WDR70: variants seen among roughly 807,000 people sequenced by gnomAD.
WDR70 encodes WD repeat domain 70.
Under a neutral mutation model 88.6 loss-of-function variants are expected in WDR70, and 53 were observed. The observed-to-expected ratio is 0.60, with a 90% CI of 0.48 to 0.75. The LOEUF (loss-of-function observed/expected upper bound fraction) is 0.75. Ranked by LOEUF, WDR70 falls within the 30% of genes least tolerant of loss-of-function variation. The pLI is 0.00. For synonymous variants in WDR70, 280 were observed against 270.0 expected (o/e 1.04, Z -0.36); for missense variants, 610 against 823.2 (o/e 0.74, Z 3.17).
intron 9 of WDR70, among the ~76,000 whole-genome samples, chr5:37,520,909 T>C (rs764737550): frequency 6.6e-6 from 1 of 152,178 alleles, no homozygotes; most frequent in Non-Finnish European, 1.5e-5. Flanking sequence ...AGGAGAGACT[T>C]TGTGCAGTGT....
intron 7 of WDR70, among the ~76,000 whole-genome samples, chr5:37,475,299 A>T (rs1420604952): frequency 3.3e-5 from 5 of 151,704 alleles, no homozygotes; most frequent in Non-Finnish European, 7.4e-5. Context: ...GCAATGGCGC[A>T]ATCTGGCTCA....
chr5:37,615,292 A>G (rs1203470621), intron 10 of WDR70, among the ~76,000 whole-genome samples: 1 of 152,116 alleles, frequency 6.6e-6, no homozygotes, highest in African/African-American at 2.4e-5. Flanking sequence ...GAGGTCTCAG[A>G]ACTGAAAAAA....
At chr5:37,749,555 T>G (rs981356091) in intron 17 of WDR70, among the ~76,000 whole-genome samples, 3 of 149,474 alleles carry the variant, frequency 2.0e-5, no homozygotes, top group Non-Finnish European at 4.4e-5. Flanking sequence ...CCTGTTTTTT[T>G]TTAAGAAGAA....
intron 7 of WDR70, among the ~76,000 whole-genome samples, chr5:37,451,079 A>G (rs1310524565): frequency 2.4e-5 from 3 of 125,960 alleles, no homozygotes; most frequent in Admixed American, 1.9e-4. Flanking sequence ...TGTATTTTTA[A>G]TAGAGTCGGG....
At chr5:37,438,908 G>T (rs946656686) in intron 6 of WDR70, among the ~76,000 whole-genome samples, 12 of 146,270 alleles carry the variant, frequency 8.2e-5, no homozygotes, top group Admixed American at 2.7e-4. Flanking sequence ...GTCCTCATTC[G>T]TTTTTTTTTT....
chr5:37,564,886 A>G (rs1390902198), intron 9 of WDR70, among the ~76,000 whole-genome samples: 1 of 152,192 alleles, frequency 6.6e-6, no homozygotes, highest in Admixed American at 6.5e-5. Context: ...AGTTTTAAAA[A>G]GAGTTTTTCT....
At chr5:37,633,300 A>G (rs943612015) in intron 10 of WDR70, among the ~76,000 whole-genome samples, 2 of 152,170 alleles carry the variant, frequency 1.3e-5, no homozygotes, top group Admixed American at 6.5e-5. Flanking sequence ...AGAATTTTAT[A>G]TCTGTTTCCC....
At chr5:37,562,134 G>T (rs1332715833) in intron 9 of WDR70, among the ~76,000 whole-genome samples, 1 of 152,192 alleles carries the variant, frequency 6.6e-6, no homozygotes. Flanking sequence ...AAGGCAGGTG[G>T]ATCACTTGAG....
intron 9 of WDR70, among the ~76,000 whole-genome samples, chr5:37,539,540 A>G (rs1386655042): frequency 6.6e-6 from 1 of 152,228 alleles, no homozygotes. Flanking sequence ...AAACTGTGAG[A>G]CAATAAAATT....
intron 9 of WDR70, among the ~76,000 whole-genome samples, chr5:37,600,066 G>T (rs1743824115): frequency 6.6e-6 from 1 of 151,866 alleles, no homozygotes; most frequent in Admixed American, 6.6e-5. Flanking sequence ...AAGCACAAAT[G>T]ATGAAAGAGG....
chr5:37,470,622 T>C (rs1023369819), intron 7 of WDR70, among the ~76,000 whole-genome samples: 1 of 152,202 alleles, frequency 6.6e-6, no homozygotes, highest in African/African-American at 2.4e-5. Flanking sequence ...TGATTATATT[T>C]ATAAAATATA....
chr5:37,389,089 CTTT>C (rs869256981), intron 3 of WDR70, among the ~76,000 whole-genome samples: 9 of 124,910 alleles, frequency 7.2e-5, no homozygotes, highest in Admixed American at 2.4e-4. Context: ...CAGGCCCATT[CTTT>C]TTTTTTTTTT....
intron 8 of WDR70, chr5:37,506,604 C>A (rs1266183674): frequency 1.3e-6 from 1 of 776,292 alleles, no homozygotes; most frequent in African/African-American, 1.7e-5. Context: ...TGTGTGGAAT[C>A]CTAACAATCC....
rs59254502 is a variant in WDR70 at position 37,455,636 on chromosome 5, C to CTTTTTTTTTTTTTTTT, written c.686+12268_686+12283dup. Reference sequence around the variant, plus strand: ...TTCTCTCGGGTCCAGTTCTCTTTATCTTTTTTTTTTTTTTTTTTTGCCACA... The same window carrying CTTTTTTTTTTTTTTTT: ...TTCTCTCGGGTCCAGTTCTCTTTATCTTTTTTTTTTTTTTTTTTTTTTTTTTTTTTTTTTTGCCACA... On this transcript the variant is annotated intron_variant, in intron 7 of 17. Coordinates refer to ENST00000265107, the MANE Select transcript of WDR70 (RefSeq NM_018034.4). 5.4e-4 allele frequency among the ~76,000 whole-genome samples: 38 copies of CTTTTTTTTTTTTTTTT among 70,436 alleles called. 2 individuals are homozygous for CTTTTTTTTTTTTTTTT. Among genetic ancestry groups the CTTTTTTTTTTTTTTTT allele is most frequent in the East Asian group, 1.9e-3 (3 of 1,566 alleles). The allele number at this position is 70,436 out of a possible 152,430, so 46.2% of individuals were successfully genotyped here. A position where few individuals can be genotyped will look rare whatever the true frequency, so the allele number is the denominator to read the frequency against.
At chr5:37,544,836 A>C (rs1336309641) in intron 9 of WDR70, among the ~76,000 whole-genome samples, 1 of 152,134 alleles carries the variant, frequency 6.6e-6, no homozygotes, top group East Asian at 1.9e-4. Flanking sequence ...GTCATGTTGG[A>C]TCTCATAAGC....
rs375872660 is a variant in WDR70 at position 37,717,280 on chromosome 5, G to A, written c.1417-3835G>A. On this transcript the variant is annotated intron_variant, in intron 13 of 17. Coordinates refer to ENST00000265107, the MANE Select transcript of WDR70 (RefSeq NM_018034.4). ...TTTGTCAATTTAATTAAGCAAATAA[G>A]TTTATTAAAATATGCAGACTAATTT... Among the ~76,000 whole-genome samples, 46 of 152,336 alleles carry A rather than the reference G, an allele frequency of 3.0e-4. 2 individuals are homozygous for A. In the South Asian group the frequency reaches 9.3e-3, roughly 31 times the overall value.
At chr5:37,545,329 A>G (rs1271519894) in intron 9 of WDR70, among the ~76,000 whole-genome samples, 1 of 152,152 alleles carries the variant, frequency 6.6e-6, no homozygotes, top group East Asian at 1.9e-4. Flanking sequence ...AGCAATTGGC[A>G]TAGTGTGTGA....
chr5:37,421,727 A>G (rs1219788154), intron 5 of WDR70, among the ~76,000 whole-genome samples: 1 of 152,116 alleles, frequency 6.6e-6, no homozygotes, highest in African/African-American at 2.4e-5. Flanking sequence ...TGTAGAGAGA[A>G]GGCTAAGGAT....
intron 5 of WDR70, among the ~76,000 whole-genome samples, chr5:37,418,792 T>C (rs1749847372): frequency 1.3e-5 from 2 of 152,066 alleles, no homozygotes; most frequent in South Asian, 4.1e-4. Flanking sequence ...ATGGAGTCTC[T>C]TTGTCACTCA....
Sources: gnomAD v4.1 joint callset for allele counts (sites outside exome capture counted in the v4.1 genomes callset) on GRCh38, gnomAD v4.1.1 for gene constraint, MANE v1.5 for transcripts, NCBI Gene and HGNC (gene_info 2026-07-23, HGNC 2026-07-21) for gene names.